RBFOX1: variants seen among roughly 807,000 people sequenced by gnomAD.
The protein encoded by RBFOX1 is RNA binding fox-1 homolog 1.
A neutral mutation model predicts 57.7 loss-of-function variants in RBFOX1; 8 were observed. The observed-to-expected ratio is 0.14, with a 90% CI of 0.08 to 0.25. RBFOX1 has a LOEUF of 0.25. RBFOX1 is among the 10% of genes least tolerant of loss of function. The pLI is 1.00. For missense variants in RBFOX1, 611 were observed against 548.5 expected (o/e 1.11, Z -1.14); for synonymous variants, 326 against 222.4 (o/e 1.47, Z -4.15).
intron 4 of RBFOX1, among the ~76,000 whole-genome samples, chr16:7,077,629 A>G (rs1433238430): frequency 6.6e-6 from 1 of 152,162 alleles, no homozygotes; most frequent in Non-Finnish European, 1.5e-5. Context: ...TTTTTGTTAT[A>G]ATTTGTACCG....
At chr16:7,018,678 A>G (rs73536842) in intron 3 of RBFOX1, among the ~76,000 whole-genome samples, 8,580 of 152,198 alleles carry the variant, frequency 0.056, 834 homozygotes, top group African/African-American at 0.2. Flanking sequence ...ATTAGGAGAT[A>G]TACCTAATGT....
chr16:7,611,966 A>G (rs977758165), intron 10 of RBFOX1, among the ~76,000 whole-genome samples: 2 of 152,180 alleles, frequency 1.3e-5, no homozygotes, highest in African/African-American at 2.4e-5. Flanking sequence ...CTATAAAGCA[A>G]AAACAGCATT....
intron 1 of RBFOX1, among the ~76,000 whole-genome samples, chr16:5,299,172 G>C (rs951787840): frequency 1.3e-5 from 2 of 151,026 alleles, no homozygotes; most frequent in African/African-American, 4.9e-5. Flanking sequence ...TATTTAAATG[G>C]AATCATATGC....
intron 1 of RBFOX1, among the ~76,000 whole-genome samples, chr16:5,310,430 G>A (rs957109685): frequency 6.6e-6 from 1 of 152,058 alleles, no homozygotes; most frequent in Non-Finnish European, 1.5e-5. Context: ...TTTGGAATTA[G>A]GCAGGTATGT....
chr16:7,498,622 G>A (rs985110718), intron 4 of RBFOX1, among the ~76,000 whole-genome samples: 1 of 152,152 alleles, frequency 6.6e-6, no homozygotes, highest in African/African-American at 2.4e-5. Flanking sequence ...CTACTAAAGA[G>A]ATATGTTGCA....
chr16:6,159,627 A>T (rs1179376968), intron 1 of RBFOX1, among the ~76,000 whole-genome samples: 2 of 152,160 alleles, frequency 1.3e-5, no homozygotes, highest in African/African-American at 4.8e-5. Flanking sequence ...CACTCTGGCC[A>T]TTGACCTTCC....
chr16:5,745,788 TG>T (rs1448989902), intron 3 of RBFOX1, among the ~76,000 whole-genome samples: 4 of 152,234 alleles, frequency 2.6e-5, no homozygotes, highest in African/African-American at 9.6e-5. Context: ...TTGATGGGGT[TG>T]TTTTTTTCTT....
intron 4 of RBFOX1, among the ~76,000 whole-genome samples, chr16:7,354,637 T>G (rs1451301132): frequency 6.6e-6 from 1 of 152,220 alleles, no homozygotes; most frequent in African/African-American, 2.4e-5. Context: ...TTTTGTTAGC[T>G]GTGTTTATGA....
At chr16:6,456,082 A>G (rs1285142300) in intron 2 of RBFOX1, among the ~76,000 whole-genome samples, 1 of 152,204 alleles carries the variant, frequency 6.6e-6, no homozygotes, top group Non-Finnish European at 1.5e-5. Flanking sequence ...GTCGAGCTAT[A>G]TTGCTTTCTT....
At chr16:6,439,141 C>T (rs990531947) in intron 2 of RBFOX1, among the ~76,000 whole-genome samples, 8 of 152,106 alleles carry the variant, frequency 5.3e-5, no homozygotes, top group Non-Finnish European at 1.0e-4. Context: ...TTGAGCATGC[C>T]GATGGCCCCT....
chr16:5,547,209 CA>C (rs1280079571), intron 2 of RBFOX1, among the ~76,000 whole-genome samples: 4 of 152,150 alleles, frequency 2.6e-5, no homozygotes, highest in Non-Finnish European at 5.9e-5. Flanking sequence ...CTAACTGGTT[CA>C]ACATGCACCT....
chr16:5,312,034 A>C (rs975380992), intron 1 of RBFOX1, among the ~76,000 whole-genome samples: 1 of 152,212 alleles, frequency 6.6e-6, no homozygotes, highest in Non-Finnish European at 1.5e-5. Flanking sequence ...ATAGCACCTA[A>C]TACCTAGAAG....
intron 4 of RBFOX1, among the ~76,000 whole-genome samples, chr16:5,996,927 C>G (rs779660301): frequency 3.9e-5 from 6 of 152,330 alleles, no homozygotes; most frequent in South Asian, 2.1e-4. Flanking sequence ...ACTTTTGCAT[C>G]AACCTAATAG....
At chr16:6,861,055 C>T (rs1336865988) in intron 3 of RBFOX1, among the ~76,000 whole-genome samples, 2 of 152,020 alleles carry the variant, frequency 1.3e-5, no homozygotes, top group Admixed American at 6.5e-5. Context: ...TTGTAATCTG[C>T]GAGAGTGACT....
chr16:6,843,923 A>G (rs770968645), intron 3 of RBFOX1, among the ~76,000 whole-genome samples: 6 of 152,110 alleles, frequency 3.9e-5, no homozygotes, highest in African/African-American at 9.7e-5. Context: ...AAATTACCAG[A>G]ATTCTCCACT....
chr16:7,347,843 C>G (rs758043099), intron 4 of RBFOX1, among the ~76,000 whole-genome samples: 5 of 152,172 alleles, frequency 3.3e-5, no homozygotes, highest in Non-Finnish European at 7.3e-5. Flanking sequence ...TAGGATGTAG[C>G]TGGTTGTGAG....
chr16:7,635,757 C>T (rs1037498576), intron 11 of RBFOX1, among the ~76,000 whole-genome samples: 1 of 152,202 alleles, frequency 6.6e-6, no homozygotes, highest in South Asian at 2.1e-4. Flanking sequence ...TCAATTCAAC[C>T]ATTCTCTATC....
At chr16:5,752,791 G>A (rs558892007) in intron 3 of RBFOX1, among the ~76,000 whole-genome samples, 1 of 152,216 alleles carries the variant, frequency 6.6e-6, no homozygotes, top group South Asian at 2.1e-4. Context: ...CCTCTACTTT[G>A]AATTTCTGCA....
At chr16:7,460,681 G>C (rs181627121) in intron 4 of RBFOX1, among the ~76,000 whole-genome samples, 1 of 151,496 alleles carries the variant, frequency 6.6e-6, no homozygotes, top group Non-Finnish European at 1.5e-5. Flanking sequence ...ACGTTTACCT[G>C]TGTAACAATC....
Sources: gnomAD v4.1 joint callset for allele counts (sites outside exome capture counted in the v4.1 genomes callset) on GRCh38, gnomAD v4.1.1 for gene constraint, MANE v1.5 for transcripts, NCBI Gene and HGNC (gene_info 2026-07-23, HGNC 2026-07-21) for gene names.